Variants in SPECC1L observed in about 807,000 individuals in gnomAD.
SPECC1L encodes the protein cytospin-A.
SPECC1L carries 40 observed loss-of-function variants against 116.8 expected under a neutral mutation model. That is an observed-to-expected ratio of 0.34 (90% CI 0.27 to 0.45). SPECC1L has a LOEUF of 0.45. Among genes scored for constraint, SPECC1L ranks in the 20% least tolerant of loss-of-function variants. SPECC1L has a pLI of 1.00. For missense variants in SPECC1L, 1,110 were observed against 1,373.6 expected (o/e 0.81, Z 3.03); for synonymous variants, 504 against 500.6 (o/e 1.01, Z -0.09).
intron 14 of SPECC1L, among the ~76,000 whole-genome samples, chr22:24,410,195 G>T (rs1354555219): frequency 2.0e-5 from 3 of 152,206 alleles, no homozygotes; most frequent in Non-Finnish European, 4.4e-5. Context: ...ATCTCACTGT[G>T]TTGGCAGGCT....
chr22:24,313,742 CTTTT>C (rs1350275306), intron 4 of SPECC1L, among the ~76,000 whole-genome samples: 3 of 129,942 alleles, frequency 2.3e-5, no homozygotes, highest in African/African-American at 2.9e-5. Context: ...GAGAAGGATT[CTTTT>C]TTTTTTTTTT....
At chr22:24,360,011 T>C (rs2041612142) in intron 11 of SPECC1L, among the ~76,000 whole-genome samples, 1 of 152,206 alleles carries the variant, frequency 6.6e-6, no homozygotes, top group Non-Finnish European at 1.5e-5. Flanking sequence ...CTGTCTGCTT[T>C]CTTTTTTTCT....
At chr22:24,285,404 G>A (rs1427895090) in intron 2 of SPECC1L, among the ~76,000 whole-genome samples, 4 of 152,082 alleles carry the variant, frequency 2.6e-5, no homozygotes, top group South Asian at 2.1e-4. Flanking sequence ...ATGAAAGACC[G>A]AAATTTGGAG....
intron 14 of SPECC1L, among the ~76,000 whole-genome samples, chr22:24,403,308 G>T (rs1163415362): frequency 6.6e-6 from 1 of 152,046 alleles, no homozygotes; most frequent in Non-Finnish European, 1.5e-5. Flanking sequence ...GCTCTAAATT[G>T]ACCTGAAAAA....
chr22:24,330,203 A>C (rs1437650930), intron 7 of SPECC1L, 53 bp from the exon 8 acceptor site: 27 of 1,583,778 alleles, frequency 1.7e-5, no homozygotes, highest in Non-Finnish European at 2.6e-6. Context: ...ATTGCTTTTA[A>C]ATAAATCTTG....
In SPECC1L at chr22:24,370,405, TGG is replaced by T. The variant is rs74267208; in HGVS notation, c.3087+1086_3087+1087del. Among the ~76,000 whole-genome samples the T allele has an allele frequency of 7.7e-3, 1,179 of 152,342 alleles. 9 individuals are homozygous for T. The highest frequency in any genetic ancestry group is 0.024 in the South Asian group (117 of 4,832). On this transcript the variant is annotated intron_variant, in intron 14 of 16. Coordinates refer to ENST00000314328, the MANE Select transcript of SPECC1L (RefSeq NM_015330.6). Reference sequence around the variant, plus strand: ...AAAGAATCTCCATGCCAGCTTCCACTGGCTAACAAAGGAGATAAGTAGTGTTG... The same window carrying T: ...AAAGAATCTCCATGCCAGCTTCCACTCTAACAAAGGAGATAAGTAGTGTTG...
At chr22:24,305,348 C>T (rs1339820003) in intron 3 of SPECC1L, among the ~76,000 whole-genome samples, 1 of 152,186 alleles carries the variant, frequency 6.6e-6, no homozygotes, top group East Asian at 1.9e-4. Flanking sequence ...TTCCTGTCCT[C>T]CCCCAAAGTA....
At chr22:24,276,296 G>C (rs1472574782) in intron 1 of SPECC1L, among the ~76,000 whole-genome samples, 1 of 152,176 alleles carries the variant, frequency 6.6e-6, no homozygotes, top group Non-Finnish European at 1.5e-5. Context: ...GCCAGGTGTG[G>C]TGGTGCGCAC....
At position 24,344,229 on chromosome 22, in the gene SPECC1L, C is replaced by T. The variant is rs2041241677; in HGVS notation, c.2653-2857C>T. ...GATGCAATATAAAAGCACACATTAA[C>T]AAAACTGAATCCAGCAATATATAAA... On this transcript the variant is annotated intron_variant, in intron 10 of 16. Transcript: ENST00000314328. Among the ~76,000 whole-genome samples the T allele has an allele frequency of 2.0e-5, 3 of 151,354 alleles. No homozygotes were observed. The South Asian group carries it at 6.3e-4, about 32-fold the overall frequency.
At chr22:24,301,780 C>G (rs1349884590) in intron 2 of SPECC1L, among the ~76,000 whole-genome samples, 1 of 152,150 alleles carries the variant, frequency 6.6e-6, no homozygotes, top group Admixed American at 6.5e-5. Flanking sequence ...AGGCACGGTG[C>G]TCACGCCTGT....
At chr22:24,305,615 G>C (rs1359523925) in intron 3 of SPECC1L, among the ~76,000 whole-genome samples, 1 of 152,092 alleles carries the variant, frequency 6.6e-6, no homozygotes, top group Non-Finnish European at 1.5e-5. Flanking sequence ...CTGTGGTTAT[G>C]AGTATTATTG....
intron 14 of SPECC1L, among the ~76,000 whole-genome samples, chr22:24,395,036 C>T (rs531829223): frequency 1.2e-4 from 18 of 152,246 alleles, no homozygotes; most frequent in African/African-American, 4.3e-4. Flanking sequence ...TCATGTTGCC[C>T]AGGCTGGTAT....
At chr22:24,402,624 G>C (rs1356406841) in intron 14 of SPECC1L, among the ~76,000 whole-genome samples, 3 of 152,180 alleles carry the variant, frequency 2.0e-5, no homozygotes, top group Non-Finnish European at 4.4e-5. Flanking sequence ...GGACCAGTGA[G>C]GACCACCTCT....
intron 3 of SPECC1L, among the ~76,000 whole-genome samples, chr22:24,311,159 T>C (rs2040453911): frequency 6.6e-6 from 1 of 152,228 alleles, no homozygotes; most frequent in South Asian, 2.1e-4. Context: ...AGTTTATGAT[T>C]TGGTGCCGTT....
At chr22:24,328,544 G>C (rs2040874296) in intron 6 of SPECC1L, among the ~76,000 whole-genome samples, 1 of 152,016 alleles carries the variant, frequency 6.6e-6, no homozygotes, top group South Asian at 2.1e-4. Flanking sequence ...ATATTGTTTT[G>C]ATTGGTTATG....
At chr22:24,383,414 A>G (rs1350655827) in intron 14 of SPECC1L, among the ~76,000 whole-genome samples, 44 of 152,114 alleles carry the variant, frequency 2.9e-4, no homozygotes, top group Admixed American at 2.9e-3. Flanking sequence ...CTGTCTCTAT[A>G]ATTAATTAAT....
In SPECC1L at chr22:24,322,850, A is replaced by G. The variant is rs2040747646; in HGVS notation, c.1870A>G (p.Ser624Gly). The change falls in exon 5 of 17, where the codon AGT (serine) becomes GGT (glycine). Residue 624 changes from serine to glycine, a missense_variant. By Grantham distance (56) the Ser-to-Gly change is moderately conservative. Around this residue, in one of 4 missense-constraint regions of SPECC1L, gnomAD observed 575 missense variants for 682.4 expected, o/e 0.84. Coordinates refer to ENST00000314328, the MANE Select transcript of SPECC1L (RefSeq NM_015330.6). ...LDKEKAETLA[S>G]SLQEDLAHTR... is the part of the protein sequence containing the mutation. The stretch of plus-strand genomic sequence containing the variant: ...CAAAGAAAAAGCAGAGACTTTGGCT[A>G]GTAGCTTGCAGGAAGATCTGGCTCA... 3.7e-6 allele frequency: 6 copies of G among 1,612,828 alleles called. No individual in the cohort carries two copies. The highest frequency in any genetic ancestry group is 5.1e-6 in the Non-Finnish European group (6 of 1,179,446).
chr22:24,394,284 A>G (rs2042326080), intron 14 of SPECC1L, among the ~76,000 whole-genome samples: 1 of 152,222 alleles, frequency 6.6e-6, no homozygotes, highest in African/African-American at 2.4e-5. Context: ...GGATGCCAGC[A>G]TGGTGGGATT....
chr22:24,370,680 C>A (rs1166136954), intron 14 of SPECC1L, among the ~76,000 whole-genome samples: 2 of 152,166 alleles, frequency 1.3e-5, no homozygotes, highest in Non-Finnish European at 2.9e-5. Flanking sequence ...ACCCAAGTGT[C>A]TGTCGATAGA....
Sources: gnomAD v4.1 joint callset for allele counts (sites outside exome capture counted in the v4.1 genomes callset) on GRCh38, gnomAD v4.1.1 for gene constraint, gnomAD v4.1.1 regional missense constraint, MANE v1.5 for transcripts, NCBI Gene and HGNC (gene_info 2026-07-23, HGNC 2026-07-21) for gene names.